RARB: variants seen among roughly 807,000 people sequenced by gnomAD.
The protein encoded by RARB is retinoic acid receptor beta.
Under a neutral mutation model 51.9 loss-of-function variants are expected in RARB, and 17 were observed. That is an observed-to-expected ratio of 0.33 (90% CI 0.22 to 0.49). RARB has a LOEUF of 0.49. Ranked by LOEUF, RARB falls within the 20% of genes least tolerant of loss-of-function variation. The probability of loss-of-function intolerance (pLI) is 0.99; values close to 1 mark genes in which losing one functional copy is unlikely to be tolerated. For missense variants in RARB, 369 were observed against 550.8 expected (o/e 0.67, Z 3.30); for synonymous variants, 215 against 195.4 (o/e 1.10, Z -0.84).
rs73157853 is a variant in RARB, at chr3:25,389,415, T to C, written c.179-71778T>C. On this transcript the variant is annotated intron_variant, in intron 5 of 11. Coordinates refer to the RARB transcript ENST00000383772. ...TGAGGGATATCTGTCACTGACTAGC[T>C]GTGTGACTTTGAGGAAGTAACTAAA... is the stretch of plus-strand genomic sequence containing the variant. Among the ~76,000 whole-genome samples the C allele has an allele frequency of 5.4e-3, 823 of 152,334 alleles. 7 individuals are homozygous for C. The highest frequency in any genetic ancestry group is 0.019 in the African/African-American group (778 of 41,582).
intron 3 of RARB, among the ~76,000 whole-genome samples, chr3:25,084,858 TAA>T (rs1187751862): frequency 6.6e-6 from 1 of 152,102 alleles, no homozygotes; most frequent in African/African-American, 2.4e-5. Context: ...GAGTACATTT[TAA>T]AAGAGAATTT....
intron 5 of RARB, among the ~76,000 whole-genome samples, chr3:25,203,996 T>A (rs1490156650): frequency 6.6e-6 from 1 of 152,220 alleles, no homozygotes; most frequent in Admixed American, 6.5e-5. Context: ...GTTGGGGAAG[T>A]TCTCCTGGAT....
intron 4 of RARB, among the ~76,000 whole-genome samples, chr3:25,159,417 C>CA: frequency 6.6e-6 from 1 of 151,056 alleles, no homozygotes. Context: ...GATCCACCCC[C>CA]CCCGCTCCCC....
intron 5 of RARB, among the ~76,000 whole-genome samples, chr3:25,197,164 T>A (rs1000943166): frequency 5.3e-5 from 8 of 152,104 alleles, no homozygotes; most frequent in African/African-American, 1.9e-4. Flanking sequence ...CTGAATGGTA[T>A]TGCCTAGGTT....
At chr3:24,994,279 T>C (rs982691707) in intron 2 of RARB, among the ~76,000 whole-genome samples, 1 of 148,534 alleles carries the variant, frequency 6.7e-6, no homozygotes. Flanking sequence ...TTTTTCTATA[T>C]ATTTGTTGAT....
chr3:25,315,064 C>T (rs1292783925), intron 5 of RARB, among the ~76,000 whole-genome samples: 1 of 152,320 alleles, frequency 6.6e-6, no homozygotes, highest in East Asian at 1.9e-4. Flanking sequence ...GTGTAGTATT[C>T]CGTGGTGTGT....
Position 25,007,592 on chromosome 3 carries a change from C to CAAAAAAAAAAAAAAAAAAAAAAA in RARB, c.-379-52521_-379-52520insAAAAAAAAAAAAAAAAAAAAAAA, listed in dbSNP as rs759589176. ...CCTGGGCAACAGAGTGAGACTGTCT[C>CAAAAAAAAAAAAAAAAAAAAAAA]AAAAAAAAAAAACAAAAAAACCTCA... On this transcript the variant is annotated intron_variant, in intron 2 of 11. Coordinates refer to the RARB transcript ENST00000383772. Among the ~76,000 whole-genome samples the CAAAAAAAAAAAAAAAAAAAAAAA allele has an allele frequency of 2.0e-3, 91 of 45,318 alleles. 15 individuals carry two copies. The highest frequency in any genetic ancestry group is 0.015 in the Middle Eastern group (1 of 66). The allele number at this position is 45,318 out of a possible 152,430, so 29.7% of individuals were successfully genotyped here. A position where few individuals can be genotyped will look rare whatever the true frequency, so the allele number is the denominator to read the frequency against.
At chr3:25,500,119 T>A (rs1697221055) in intron 2 of RARB, among the ~76,000 whole-genome samples, 1 of 152,234 alleles carries the variant, frequency 6.6e-6, no homozygotes, top group Non-Finnish European at 1.5e-5. Flanking sequence ...ATATGTGGTG[T>A]TTAATATGGT....
At position 25,005,710 on chromosome 3, in the gene RARB, C is replaced by A. The variant is rs115768828; in HGVS notation, c.-379-54415C>A. ...AGGGGACTACACAAGAGTATGACTA[C>A]TCGAAGCGGAAATCAATGAAAGCTA... On this transcript the variant is annotated intron_variant, in intron 2 of 11. Coordinates refer to the RARB transcript ENST00000383772. Among the ~76,000 whole-genome samples the A allele has an allele frequency of 2.2e-3, 335 of 152,254 alleles. 2 individuals carry two copies. Among genetic ancestry groups the A allele is most frequent in the Non-Finnish European group, 3.4e-3 (231 of 68,012 alleles).
chr3:25,279,972 C>T (rs1294886486), intron 5 of RARB, among the ~76,000 whole-genome samples: 1 of 152,100 alleles, frequency 6.6e-6, no homozygotes, highest in African/African-American at 2.4e-5. Flanking sequence ...GGGAAGATTT[C>T]TTCTCCTCAC....
chr3:25,281,071 A>G (rs992024453), intron 5 of RARB, among the ~76,000 whole-genome samples: 2 of 152,250 alleles, frequency 1.3e-5, no homozygotes, highest in Non-Finnish European at 2.9e-5. Context: ...TTTATAGTAC[A>G]AATAAGAAAA....
chr3:25,130,501 G>A (rs781376923), intron 3 of RARB, among the ~76,000 whole-genome samples: 1 of 151,794 alleles, frequency 6.6e-6, no homozygotes, highest in Non-Finnish European at 1.5e-5. Context: ...TAAAATAGTG[G>A]CCAGATTAGT....
intron 3 of RARB, among the ~76,000 whole-genome samples, chr3:25,523,504 G>A (rs1302443266): frequency 6.6e-6 from 1 of 152,190 alleles, no homozygotes; most frequent in Non-Finnish European, 1.5e-5. Flanking sequence ...TGGCTAATTA[G>A]GGGTTGTGCT....
chr3:25,035,408 C>T (rs144162581), intron 2 of RARB, among the ~76,000 whole-genome samples: 1,524 of 145,742 alleles, frequency 0.01, 25 homozygotes, highest in African/African-American at 0.033. Context: ...AGTTGTGAGC[C>T]GCTGCGTCCA....
At chr3:25,400,170 T>A (rs1279829100) in intron 5 of RARB, among the ~76,000 whole-genome samples, 1 of 152,144 alleles carries the variant, frequency 6.6e-6, no homozygotes, top group Non-Finnish European at 1.5e-5. Context: ...AGAGACACAG[T>A]CCCAGCCATT....
intron 5 of RARB, among the ~76,000 whole-genome samples, chr3:25,344,346 A>G (rs1486055393): frequency 1.3e-5 from 2 of 152,210 alleles, no homozygotes; most frequent in Non-Finnish European, 2.9e-5. Context: ...AAGTTTTCAT[A>G]CTAACAAATT....
chr3:24,881,062 C>T (rs1196801779), intron 2 of RARB, among the ~76,000 whole-genome samples: 2 of 152,104 alleles, frequency 1.3e-5, no homozygotes, highest in Admixed American at 1.3e-4. Context: ...CCATGCTGTT[C>T]TCATGATAGT....
chr3:24,831,245 C>G (rs1455766630), intron 1 of RARB, among the ~76,000 whole-genome samples: 1 of 151,938 alleles, frequency 6.6e-6, no homozygotes, highest in African/African-American at 2.4e-5. Context: ...AAAAATAAAG[C>G]AAAAAATAAT....
chr3:25,269,281 A>C (rs969160021), intron 5 of RARB, among the ~76,000 whole-genome samples: 10 of 152,220 alleles, frequency 6.6e-5, no homozygotes, highest in African/African-American at 2.4e-4. Context: ...GAAATGAAAG[A>C]TCATGAGCAA....
Sources: allele counts gnomAD v4.1 joint callset (sites outside exome capture counted in the v4.1 genomes callset), GRCh38; gene constraint gnomAD v4.1.1; transcripts MANE v1.5; gene names NCBI Gene and HGNC (gene_info 2026-07-23, HGNC 2026-07-21).